The following TNRC6C variants were observed in gnomAD, a reference collection of about 807,000 sequenced individuals.
TNRC6C encodes trinucleotide repeat-containing gene 6C protein.
TNRC6C carries 20 observed loss-of-function variants against 153.7 expected under a neutral mutation model. That is an observed-to-expected ratio of 0.13 (90% confidence interval 0.09 to 0.19). The LOEUF (loss-of-function observed/expected upper bound fraction) is 0.19. Ranked by LOEUF, TNRC6C falls within the 10% of genes least tolerant of loss-of-function variation. TNRC6C has a pLI of 1.00. For missense variants in TNRC6C, 1,987 were observed against 2,172.0 expected (o/e 0.91, Z 1.69); for synonymous variants, 811 against 841.4 (o/e 0.96, Z 0.63).
intron 2 of TNRC6C, among the ~76,000 whole-genome samples, chr17:78,036,999 A>G (rs1359431257): frequency 6.6e-6 from 1 of 152,054 alleles, no homozygotes; most frequent in African/African-American, 2.4e-5. Context: ...CTTTTTCTTT[A>G]TATAGAATAT....
intron 1 of TNRC6C, among the ~76,000 whole-genome samples, chr17:77,987,721 T>C (rs1393155181): frequency 6.6e-6 from 1 of 152,192 alleles, no homozygotes; most frequent in Non-Finnish European, 1.5e-5. Context: ...TCGCCCAGGC[T>C]GGAGTGCAGT....
intron 1 of TNRC6C, among the ~76,000 whole-genome samples, chr17:78,015,450 C>T (rs1032536815): frequency 6.6e-6 from 1 of 152,206 alleles, no homozygotes; most frequent in Non-Finnish European, 1.5e-5. Flanking sequence ...AAATATACTG[C>T]TCTCATCCAT....
intron 16 of TNRC6C, among the ~76,000 whole-genome samples, chr17:78,094,098 GC>G (rs1202983045): frequency 4.0e-4 from 60 of 151,634 alleles, no homozygotes; most frequent in African/African-American, 1.4e-3. Context: ...TCCTGCCTCA[GC>G]CTCCCAAGTA....
chr17:78,057,493 C>T (rs1451713595), intron 3 of TNRC6C, among the ~76,000 whole-genome samples: 1 of 152,246 alleles, frequency 6.6e-6, no homozygotes, highest in Non-Finnish European at 1.5e-5. Context: ...GCCCTCCTCT[C>T]TGGGGACTGT....
At chr17:77,991,081 T>C (rs1161263766) in intron 1 of TNRC6C, among the ~76,000 whole-genome samples, 2 of 152,248 alleles carry the variant, frequency 1.3e-5, no homozygotes, top group Non-Finnish European at 2.9e-5. Flanking sequence ...AAATTCATTC[T>C]GTAAGGGTTA....
intron 3 of TNRC6C, among the ~76,000 whole-genome samples, chr17:78,060,915 A>C (rs1326504227): frequency 6.6e-6 from 1 of 152,230 alleles, no homozygotes; most frequent in Admixed American, 6.5e-5. Context: ...AACAATGTTC[A>C]GTGAGAGAAA....
chr17:77,972,698 A>C (rs2070949115), intron 1 of TNRC6C, among the ~76,000 whole-genome samples: 1 of 152,218 alleles, frequency 6.6e-6, no homozygotes, highest in East Asian at 1.9e-4. Flanking sequence ...TATAGCAAGA[A>C]ATTGGATTAG....
At chr17:77,996,742 T>C (rs1359729799) in intron 1 of TNRC6C, among the ~76,000 whole-genome samples, 2 of 152,214 alleles carry the variant, frequency 1.3e-5, no homozygotes, top group Non-Finnish European at 2.9e-5. Flanking sequence ...GCCCTCTGAT[T>C]CTGTTTGGTT....
chr17:78,048,278 GC>G lies in TNRC6C; in HGVS notation c.-218-566del, dbSNP rs1470108936. 4.6e-5 allele frequency among the ~76,000 whole-genome samples: 7 copies of G among 152,000 alleles called. No homozygotes were observed. The South Asian group carries it at 1.5e-3, about 32-fold the overall frequency. ...TTAGTATTTTTGATAACATAAGATA[GC>G]ATTGTCTCATATGTCTTTTCTCTCT... is the stretch of plus-strand genomic sequence containing the variant. On this transcript the variant is annotated intron_variant, in intron 2 of 19. Coordinates refer to ENST00000301624, the Ensembl canonical transcript of TNRC6C.
At chr17:77,978,636 G>T (rs1485437372) in intron 1 of TNRC6C, among the ~76,000 whole-genome samples, 2 of 152,198 alleles carry the variant, frequency 1.3e-5, no homozygotes, top group East Asian at 3.9e-4. Context: ...CTGAAAACCT[G>T]AACAAAAAGC....
At chr17:78,072,975 G>C (rs1056907877) in intron 6 of TNRC6C, 62 bp from the exon 9 acceptor site, 2 of 1,267,822 alleles carry the variant, frequency 1.6e-6, no homozygotes, top group Admixed American at 2.1e-5. Flanking sequence ...TGATTAAATT[G>C]TTTGTAACCT....
At chr17:78,097,304 T>C (rs1339857251) in intron 16 of TNRC6C, among the ~76,000 whole-genome samples, 1 of 152,096 alleles carries the variant, frequency 6.6e-6, no homozygotes, top group Non-Finnish European at 1.5e-5. Flanking sequence ...CTCAAATTTT[T>C]ATGGCAAATT....
At chr17:78,032,225 A>G (rs1359619617) in intron 2 of TNRC6C, among the ~76,000 whole-genome samples, 2 of 152,204 alleles carry the variant, frequency 1.3e-5, no homozygotes, top group South Asian at 4.1e-4. Context: ...CATTTTTTGC[A>G]GGGAGGTACA....
At chr17:78,068,952 A>T (rs1258607887) in intron 5 of TNRC6C, among the ~76,000 whole-genome samples, 1 of 152,312 alleles carries the variant, frequency 6.6e-6, no homozygotes, top group East Asian at 1.9e-4. Flanking sequence ...AGTAGGTCAC[A>T]AACTTAAATA....
intron 1 of TNRC6C, among the ~76,000 whole-genome samples, chr17:78,013,249 G>A (rs1161649354): frequency 6.6e-6 from 1 of 152,214 alleles, no homozygotes; most frequent in African/African-American, 2.4e-5. Context: ...AGAGTTTTAA[G>A]TAGGAGAGTG....
rs184363284 is a variant in TNRC6C, at chr17:78,084,140, C to T, written c.3477+974C>T. Among the ~76,000 whole-genome samples the T allele has an allele frequency of 5.5e-4, 83 of 152,102 alleles. No homozygotes were observed. In the East Asian group the frequency reaches 8.9e-3, roughly 16 times the overall value. On this transcript the variant is annotated intron_variant, in intron 11 of 19. Coordinates refer to ENST00000301624, the Ensembl canonical transcript of TNRC6C. ...CTCTACTAAAAATACAAAAATTAGC[C>T]GGGCATGATGGCGCATGTCTGTAAT...
At chr17:78,069,840 G>A (rs1381243862) in intron 5 of TNRC6C, among the ~76,000 whole-genome samples, 1 of 152,180 alleles carries the variant, frequency 6.6e-6, no homozygotes, top group Non-Finnish European at 1.5e-5. Flanking sequence ...ACGTGTGTGT[G>A]TGTATGTGAG....
intron 1 of TNRC6C, among the ~76,000 whole-genome samples, chr17:77,993,747 A>G (rs1180125629): frequency 6.6e-6 from 1 of 152,054 alleles, no homozygotes; most frequent in Non-Finnish European, 1.5e-5. Context: ...CTGTTAATTG[A>G]TATTTTTCAG....
intron 1 of TNRC6C, among the ~76,000 whole-genome samples, chr17:77,982,187 C>G (rs1277689430): frequency 6.6e-6 from 1 of 152,132 alleles, no homozygotes; most frequent in Non-Finnish European, 1.5e-5. Context: ...AGAACCCAGC[C>G]TCTAGAACTA....
Sources: allele counts gnomAD v4.1 joint callset (sites outside exome capture counted in the v4.1 genomes callset), GRCh38; gene constraint gnomAD v4.1.1; transcripts MANE v1.5; gene names NCBI Gene and HGNC (gene_info 2026-07-23, HGNC 2026-07-21).